Variants in DGKH observed in about 807,000 individuals in gnomAD.
DGKH encodes the protein diacylglycerol kinase eta.
Under a neutral mutation model 159.3 loss-of-function variants are expected in DGKH, and 90 were observed. That is an observed-to-expected ratio of 0.57 (90% confidence interval 0.48 to 0.67). DGKH has a LOEUF of 0.67. Ranked by LOEUF, DGKH falls within the 30% of genes least tolerant of loss-of-function variation. DGKH has a pLI of 0.00. For synonymous variants in DGKH, 536 were observed against 553.8 expected, an observed-to-expected ratio of 0.97 and a Z score of 0.45; for missense variants, 1,181 against 1,506.1, an observed-to-expected ratio of 0.78 and a Z score of 3.57.
At chr13:42,142,226 G>C (rs1460602479) in intron 3 of DGKH, among the ~76,000 whole-genome samples, 1 of 152,170 alleles carries the variant, frequency 6.6e-6, no homozygotes, top group Non-Finnish European at 1.5e-5. Flanking sequence ...CATTATTTCT[G>C]AGGGCTCTAT....
chr13:42,103,704 A>G (rs771238800), intron 1 of DGKH, among the ~76,000 whole-genome samples: 1 of 152,340 alleles, frequency 6.6e-6, no homozygotes, highest in East Asian at 1.9e-4. Context: ...GCAAGGGGAA[A>G]GGAATCCTCA....
intron 13 of DGKH, among the ~76,000 whole-genome samples, chr13:42,185,871 CTT>C (rs1414262350): frequency 6.6e-6 from 1 of 152,012 alleles, no homozygotes; most frequent in Non-Finnish European, 1.5e-5. Flanking sequence ...AAAATATTAC[CTT>C]TTGTTCAAAT....
At chr13:42,049,375 T>C (rs894008065) in intron 1 of DGKH, among the ~76,000 whole-genome samples, 18 of 152,182 alleles carry the variant, frequency 1.2e-4, no homozygotes, top group Non-Finnish European at 1.9e-4. Context: ...CTTAGGGAAC[T>C]TAAAAGGAGA....
chr13:42,088,941 A>G (rs1490021180), intron 1 of DGKH, among the ~76,000 whole-genome samples: 3 of 152,214 alleles, frequency 2.0e-5, no homozygotes, highest in African/African-American at 7.2e-5. Context: ...ATGCAAATGT[A>G]AATCAAAAGG....
chr13:42,236,457 T>C lies in DGKH; in HGVS notation c.*7269T>C, dbSNP rs892414908. The C allele has an allele frequency of 4.6e-5, 7 of 152,212 alleles. No individual in the cohort carries two copies. Among genetic ancestry groups the C allele is most frequent in the Non-Finnish European group, 1.0e-4 (7 of 68,034 alleles). The allele number at this position is 152,212 out of a possible 1,614,324, so 9.4% of individuals were successfully genotyped here. A position where few individuals can be genotyped will look rare whatever the true frequency, so the allele number is the denominator to read the frequency against. The stretch of plus-strand genomic sequence containing the variant: ...ATTTTTTTAAAATATAAAGCCAAAA[T>C]GAATTCACCAATATTAAGGATTTAA... On this transcript the variant is annotated 3_prime_UTR_variant, in exon 30 of 30. Coordinates refer to ENST00000337343, the MANE Select transcript of DGKH (RefSeq NM_178009.5).
chr13:42,077,774 T>C (rs1399993175), intron 1 of DGKH, among the ~76,000 whole-genome samples: 2 of 152,202 alleles, frequency 1.3e-5, no homozygotes, highest in Non-Finnish European at 2.9e-5. Flanking sequence ...TTAAAGGCTG[T>C]CTACTTCCAT....
intron 29 of DGKH, among the ~76,000 whole-genome samples, chr13:42,224,971 G>A (rs1958084422): frequency 6.6e-6 from 1 of 152,058 alleles, no homozygotes; most frequent in African/African-American, 2.4e-5. Flanking sequence ...ACCCAGGATG[G>A]AGTGCAGTAA....
intron 1 of DGKH, among the ~76,000 whole-genome samples, chr13:42,056,062 C>T (rs1881734902): frequency 6.6e-6 from 1 of 152,200 alleles, no homozygotes; most frequent in Admixed American, 6.5e-5. Context: ...CACTGCTCTC[C>T]AGCCTGGGTG....
intron 29 of DGKH, among the ~76,000 whole-genome samples, chr13:42,228,359 C>T (rs1958188819): frequency 6.6e-6 from 1 of 152,152 alleles, no homozygotes; most frequent in Admixed American, 6.6e-5. Flanking sequence ...ATTTTTTACA[C>T]ACATACATTA....
chr13:42,060,556 C>T (rs1217297086), intron 1 of DGKH, among the ~76,000 whole-genome samples: 2 of 152,120 alleles, frequency 1.3e-5, no homozygotes, highest in Admixed American at 6.5e-5. Flanking sequence ...TAAATTGCCT[C>T]GTATAGAAGG....
chr13:42,164,056 G>T (rs1368730388), intron 7 of DGKH, among the ~76,000 whole-genome samples: 1 of 152,034 alleles, frequency 6.6e-6, no homozygotes, highest in Non-Finnish European at 1.5e-5. Context: ...GTAAGGAAGG[G>T]ATCCAGTTTC....
intron 1 of DGKH, among the ~76,000 whole-genome samples, chr13:42,123,020 C>T (rs553675776): frequency 6.6e-6 from 1 of 152,278 alleles, no homozygotes; most frequent in South Asian, 2.1e-4. Context: ...AAAGATGTGA[C>T]TAACTTTAGA....
At chr13:42,172,614 A>G (rs1006898567) in intron 11 of DGKH, among the ~76,000 whole-genome samples, 1 of 152,166 alleles carries the variant, frequency 6.6e-6, no homozygotes, top group African/African-American at 2.4e-5. Context: ...TGCTTTTCTT[A>G]AAATTCATTT....
At chr13:42,136,888 A>G (rs916445303) in intron 3 of DGKH, among the ~76,000 whole-genome samples, 1 of 152,172 alleles carries the variant, frequency 6.6e-6, no homozygotes, top group African/African-American at 2.4e-5. Flanking sequence ...GCATTAGATT[A>G]TTATTCTTTC....
At chr13:42,251,141 C>T (rs562177279) in intron 29 of DGKH, among the ~76,000 whole-genome samples, 40 of 151,812 alleles carry the variant, frequency 2.6e-4, no homozygotes, top group African/African-American at 7.0e-4. Context: ...AGTTAAAAAC[C>T]GAGATTAGTG....
rs1594117395 is a variant in DGKH at position 42,160,228 on chromosome 13, T to C, written c.855+92T>C. The stretch of plus-strand genomic sequence containing the variant: ...GTTTAGAGGCAAAGCAAAGAATTTA[T>C]GACAGAGCTGAACCTGGTAGCATAC... On this transcript the variant is annotated intron_variant, in intron 7 of 29. Coordinates refer to ENST00000337343, the MANE Select transcript of DGKH (RefSeq NM_178009.5). 5 of 1,557,094 alleles carry C rather than the reference T, an allele frequency of 3.2e-6. No individual in the cohort carries two copies. The East Asian group carries it at 1.1e-4, about 35-fold the overall frequency.
intron 1 of DGKH, among the ~76,000 whole-genome samples, chr13:42,118,298 C>T (rs1955001586): frequency 6.6e-6 from 1 of 152,132 alleles, no homozygotes; most frequent in Admixed American, 6.5e-5. Context: ...AGCGCTTTCC[C>T]GTTTTCTAAT....
intron 1 of DGKH, among the ~76,000 whole-genome samples, chr13:42,099,286 T>C (rs1158226756): frequency 6.6e-6 from 1 of 152,204 alleles, no homozygotes; most frequent in African/African-American, 2.4e-5. Context: ...GTCCATTCAA[T>C]CTAGTGCCTC....
intron 1 of DGKH, among the ~76,000 whole-genome samples, chr13:42,067,325 A>C (rs1882649958): frequency 6.6e-6 from 1 of 152,210 alleles, no homozygotes; most frequent in Admixed American, 6.5e-5. Flanking sequence ...TCAAATGAGA[A>C]TAGTATATCA....
Sources: allele counts gnomAD v4.1 joint callset (sites outside exome capture counted in the v4.1 genomes callset), GRCh38; gene constraint gnomAD v4.1.1; transcripts MANE v1.5; gene names NCBI Gene and HGNC (gene_info 2026-07-23, HGNC 2026-07-21).